The following CEP112 variants were observed in gnomAD, a reference collection of about 807,000 sequenced individuals.
CEP112 encodes centrosomal protein of 112 kDa.
CEP112 carries 127 observed loss-of-function variants against 153.0 expected under a neutral mutation model. That is an observed-to-expected ratio of 0.83 (90% CI 0.72 to 0.96). The LOEUF (loss-of-function observed/expected upper bound fraction) is 0.96. Ranked by LOEUF, CEP112 falls within the 40% of genes least tolerant of loss-of-function variation. The probability of loss-of-function intolerance (pLI) is 0.00; values close to 1 mark genes in which losing one functional copy is unlikely to be tolerated. For synonymous variants in CEP112, 358 were observed against 374.4 expected (o/e 0.96, Z 0.51); for missense variants, 1,089 against 1,101.2 (o/e 0.99, Z 0.16).
At chr17:65,736,718 T>A (rs953764391) in intron 23 of CEP112, among the ~76,000 whole-genome samples, 1 of 152,184 alleles carries the variant, frequency 6.6e-6, no homozygotes, top group African/African-American at 2.4e-5. Flanking sequence ...TGTTCACAGA[T>A]GTTCACGGTC....
At chr17:66,145,699 A>G (rs987287792) in intron 4 of CEP112, among the ~76,000 whole-genome samples, 7 of 152,212 alleles carry the variant, frequency 4.6e-5, no homozygotes, top group African/African-American at 1.4e-4. Flanking sequence ...CCTTTCACCA[A>G]TACTACTGTC....
intron 21 of CEP112, among the ~76,000 whole-genome samples, chr17:65,806,186 T>C (rs1278053491): frequency 6.6e-6 from 1 of 152,174 alleles, no homozygotes; most frequent in Non-Finnish European, 1.5e-5. Flanking sequence ...GCCTAAAACA[T>C]GCCAGGCATG....
At chr17:65,959,316 G>A (rs1300620140) in intron 18 of CEP112, among the ~76,000 whole-genome samples, 1 of 152,162 alleles carries the variant, frequency 6.6e-6, no homozygotes, top group East Asian at 1.9e-4. Context: ...GGGACACCCT[G>A]GCTGCAGAAA....
rs551844858 is a variant in CEP112 at position 65,939,338 on chromosome 17, T to C, written c.1873-11649A>G. Among the ~76,000 whole-genome samples, 4 of 152,106 alleles carry C rather than the reference T, an allele frequency of 2.6e-5. No individual in the cohort carries two copies. The East Asian group carries it at 7.7e-4, about 29-fold the overall frequency. On this transcript the variant is annotated intron_variant, in intron 18 of 26. Transcript: ENST00000535342. ...AAAGCAATCTACAGATTCAAGCAAT[T>C]CCTATCAAAATGCCAATGTCATTTC...
chr17:65,797,145 G>A (rs1161984192), intron 21 of CEP112: 1 of 152,170 alleles, frequency 6.6e-6, no homozygotes, highest in Non-Finnish European at 1.5e-5. Context: ...TGGATATTAA[G>A]ACTGATGATC....
At chr17:65,937,566 TGG>T (rs1292646500) in intron 18 of CEP112, among the ~76,000 whole-genome samples, 39 of 44,756 alleles carry the variant, frequency 8.7e-4, no homozygotes, top group Middle Eastern at 9.1e-3. Flanking sequence ...GGGAGGGAGG[TGG>T]GGGGGGTCAG....
At chr17:65,685,046 T>C (rs1387332396) in intron 24 of CEP112, among the ~76,000 whole-genome samples, 2 of 152,230 alleles carry the variant, frequency 1.3e-5, no homozygotes, top group Non-Finnish European at 2.9e-5. Flanking sequence ...ATTTTCTGAT[T>C]CTATTGGTGT....
chr17:65,698,147 T>C (rs1357448616), intron 23 of CEP112, among the ~76,000 whole-genome samples: 2 of 152,214 alleles, frequency 1.3e-5, no homozygotes, highest in Non-Finnish European at 2.9e-5. Context: ...TGAAGGTTTT[T>C]ACCCAATACA....
intron 24 of CEP112, among the ~76,000 whole-genome samples, chr17:65,654,119 C>CA (rs201227559): frequency 0.014 from 1,982 of 141,818 alleles, 19 homozygotes; most frequent in Non-Finnish European, 0.016. Flanking sequence ...AAGATGATGC[C>CA]AAAAAAATGC....
rs1286841658 is a variant in CEP112, at chr17:66,027,579, T to C, written c.1597-19A>G. The C allele has an allele frequency of 8.1e-7, 1 of 1,229,114 alleles. No homozygotes were observed. Among genetic ancestry groups the C allele is most frequent in the Non-Finnish European group, 1.1e-6 (1 of 916,892 alleles). 76.1% of individuals were successfully genotyped at this position (1,229,114 alleles called of 1,614,324 possible). On this transcript the variant is annotated intron_variant, in intron 15 of 26. Coordinates refer to ENST00000535342, the MANE Select transcript of CEP112 (RefSeq NM_001199165.4). ...CTTGATCCTGTGAATGATAAATGTT[T>C]ATATTTATTATACTTTAAATTATAC...
intron 17 of CEP112, among the ~76,000 whole-genome samples, chr17:65,965,844 G>A (rs1474313244): frequency 1.3e-5 from 2 of 152,080 alleles, no homozygotes; most frequent in Non-Finnish European, 2.9e-5. Flanking sequence ...AATTAAATCT[G>A]TCAATTCAAA....
chr17:65,717,849 A>G (rs1490271857), intron 23 of CEP112, among the ~76,000 whole-genome samples: 2 of 152,186 alleles, frequency 1.3e-5, no homozygotes. Flanking sequence ...AGAAATAAGC[A>G]ACACAAAAGC....
intron 17 of CEP112, among the ~76,000 whole-genome samples, chr17:65,976,853 C>G (rs570954461): frequency 3.5e-4 from 53 of 150,660 alleles, no homozygotes; most frequent in African/African-American, 1.2e-3. Context: ...ATTTTCGTGC[C>G]TCAGCCTCCC....
Position 66,110,542 on chromosome 17 carries a change from C to T in CEP112, c.643-13910G>A, listed in dbSNP as rs2068982050. ...AGAAGAATATAAAATCAGATCACTT[C>T]CTCACACCATATATAATAAATTCCC... On this transcript the variant is annotated intron_variant, in intron 6 of 26. Transcript: ENST00000535342. 2.0e-5 allele frequency among the ~76,000 whole-genome samples: 3 copies of T among 151,708 alleles called. No individual in the cohort carries two copies. The South Asian group carries it at 6.2e-4, about 32-fold the overall frequency.
At chr17:66,110,363 G>A (rs1257307866) in intron 6 of CEP112, among the ~76,000 whole-genome samples, 3 of 150,958 alleles carry the variant, frequency 2.0e-5, no homozygotes, top group Non-Finnish European at 4.4e-5. Context: ...AAAAAGAAAA[G>A]AAAAGATACA....
intron 24 of CEP112, among the ~76,000 whole-genome samples, chr17:65,652,124 T>A (rs1157534024): frequency 1.3e-5 from 2 of 152,146 alleles, no homozygotes; most frequent in African/African-American, 4.8e-5. Flanking sequence ...ATTTTATCAA[T>A]CATTGTAGAG....
intron 17 of CEP112, among the ~76,000 whole-genome samples, chr17:65,976,964 C>T (rs868846511): frequency 9.9e-5 from 15 of 152,140 alleles, no homozygotes; most frequent in African/African-American, 3.6e-4. Flanking sequence ...TCTCAAACTC[C>T]CGACCTCAGG....
intron 6 of CEP112, among the ~76,000 whole-genome samples, chr17:66,115,778 T>C (rs1214572610): frequency 6.6e-6 from 1 of 152,212 alleles, no homozygotes; most frequent in Non-Finnish European, 1.5e-5. Flanking sequence ...CCCATCTCCT[T>C]GGCTGCAGCA....
At chr17:65,813,230 A>C (rs114833994) in intron 21 of CEP112, among the ~76,000 whole-genome samples, 2,558 of 152,260 alleles carry the variant, frequency 0.017, 70 homozygotes, top group African/African-American at 0.059. Context: ...AAATGGATCT[A>C]AGATCAAGTC....
Sources: allele counts gnomAD v4.1 joint callset (sites outside exome capture counted in the v4.1 genomes callset), GRCh38; gene constraint gnomAD v4.1.1; transcripts MANE v1.5; gene names NCBI Gene and HGNC (gene_info 2026-07-23, HGNC 2026-07-21).